The following NREP variants were observed in gnomAD, a reference collection of about 807,000 sequenced individuals.
The protein encoded by NREP is neuronal regeneration related protein.
A neutral mutation model predicts 8.6 loss-of-function variants in NREP; 5 were observed. The ratio of observed to expected loss-of-function variants is 0.58; its 90% CI spans 0.30 to 1.22. The LOEUF is 1.22. NREP is among the 50% of genes most tolerant of loss of function. The probability of loss-of-function intolerance (pLI) is 0.07; values close to 1 mark genes in which losing one functional copy is unlikely to be tolerated. For missense variants in NREP, 86 were observed against 82.5 expected (o/e 1.04, Z -0.17); for synonymous variants, 27 against 28.0 (o/e 0.96, Z 0.11).
At chr5:111,742,171 A>G (rs536222025) in intron 2 of NREP, among the ~76,000 whole-genome samples, 7 of 152,294 alleles carry the variant, frequency 4.6e-5, no homozygotes, top group South Asian at 2.1e-4. Context: ...TTTTATTAAT[A>G]TTATGCCACA....
At chr5:111,847,166 C>T (rs1296312048) in intron 2 of NREP, among the ~76,000 whole-genome samples, 1 of 151,658 alleles carries the variant, frequency 6.6e-6, no homozygotes, top group Non-Finnish European at 1.5e-5. Context: ...CAAAATACCA[C>T]AGACTGGGTT....
intron 2 of NREP, among the ~76,000 whole-genome samples, chr5:111,808,232 A>G (rs1351997968): frequency 6.6e-6 from 1 of 152,212 alleles, no homozygotes; most frequent in South Asian, 2.1e-4. Flanking sequence ...TCTGGTGTTC[A>G]GAAATTTCTC....
chr5:111,861,487 T>G (rs889235768), intron 2 of NREP, among the ~76,000 whole-genome samples: 4 of 152,182 alleles, frequency 2.6e-5, no homozygotes, highest in Non-Finnish European at 5.9e-5. Context: ...CTCCAGTATT[T>G]CTTTCTGTGC....
chr5:111,824,851 C>T (rs1752586471), intron 2 of NREP, among the ~76,000 whole-genome samples: 1 of 152,112 alleles, frequency 6.6e-6, no homozygotes. Flanking sequence ...ATAGTGTATA[C>T]ATTGGTTACA....
intron 2 of NREP, among the ~76,000 whole-genome samples, chr5:111,815,814 A>G (rs1752372835): frequency 6.6e-6 from 1 of 152,198 alleles, no homozygotes; most frequent in South Asian, 2.1e-4. Context: ...CCACAGGTCC[A>G]AGAAACCCCA....
intron 2 of NREP, among the ~76,000 whole-genome samples, chr5:111,934,925 T>C (rs572363670): frequency 6.6e-6 from 1 of 150,924 alleles, no homozygotes; most frequent in African/African-American, 2.4e-5. Flanking sequence ...GCTTTGCCTA[T>C]GGGAGCTACT....
chr5:111,946,523 T>G (rs962776276), intron 2 of NREP, among the ~76,000 whole-genome samples: 1 of 152,028 alleles, frequency 6.6e-6, no homozygotes, highest in African/African-American at 2.4e-5. Flanking sequence ...GATAATCCCC[T>G]GAAAACTCCT....
chr5:111,871,846 C>CTATATA (rs141111202), intron 2 of NREP, among the ~76,000 whole-genome samples: 47 of 144,420 alleles, frequency 3.3e-4, no homozygotes, highest in East Asian at 8.0e-4. Context: ...GTAGTACAGA[C>CTATATA]TATATATATA....
intron 2 of NREP, among the ~76,000 whole-genome samples, chr5:111,910,614 T>C (rs1158419081): frequency 6.6e-6 from 1 of 151,772 alleles, no homozygotes; most frequent in Non-Finnish European, 1.5e-5. Flanking sequence ...GCTTGCCGAG[T>C]ATGGGTTTAG....
chr5:111,925,797 T>C (rs146561143), intron 2 of NREP, among the ~76,000 whole-genome samples: 1 of 152,164 alleles, frequency 6.6e-6, no homozygotes, highest in Non-Finnish European at 1.5e-5. Context: ...CATTAAAAAG[T>C]GTTTACTCTT....
chr5:111,746,430 T>C (rs1581066237), intron 2 of NREP, among the ~76,000 whole-genome samples: 1 of 152,090 alleles, frequency 6.6e-6, no homozygotes, highest in Admixed American at 6.5e-5. Flanking sequence ...CAGTAAGAAA[T>C]GGAGACTCAG....
At chr5:111,955,920 C>T (rs755312541) in intron 2 of NREP, among the ~76,000 whole-genome samples, 22 of 146,578 alleles carry the variant, frequency 1.5e-4, no homozygotes, top group South Asian at 2.2e-4. Flanking sequence ...AAAACAAAAA[C>T]GTTGGGCTTC....
At chr5:111,795,845 C>G (rs1751861715) in intron 2 of NREP, among the ~76,000 whole-genome samples, 1 of 152,182 alleles carries the variant, frequency 6.6e-6, no homozygotes, top group Non-Finnish European at 1.5e-5. Context: ...TATTAATACT[C>G]AAGCATAGCT....
At chr5:111,849,597 T>A (rs1465007557) in intron 2 of NREP, among the ~76,000 whole-genome samples, 1 of 152,146 alleles carries the variant, frequency 6.6e-6, no homozygotes, top group East Asian at 1.9e-4. Flanking sequence ...TAGGCTTTTT[T>A]AGTAGCCAAC....
At chr5:111,857,454 G>A (rs1001690098) in intron 2 of NREP, among the ~76,000 whole-genome samples, 8 of 152,138 alleles carry the variant, frequency 5.3e-5, no homozygotes, top group East Asian at 3.9e-4. Context: ...AACTTATCAC[G>A]TAGTGAAAAA....
chr5:111,730,589 TGAAAAG>T lies in NREP; in HGVS notation c.*326_*331del. 1 of 192,294 alleles carries T rather than the reference TGAAAAG, an allele frequency of 5.2e-6. No individual in the cohort carries two copies. The highest frequency in any genetic ancestry group is 5.8e-5 in the Admixed American group (1 of 17,264). 11.9% of individuals were successfully genotyped at this position (192,294 alleles called of 1,614,324 possible). Reference sequence around the variant, plus strand: ...AAGAAGCAGTCGGGAGCTGTGTGAGTGAAAAGGCAGGAGTGGACCGGTTGTGTGAGC... The same window carrying T: ...AAGAAGCAGTCGGGAGCTGTGTGAGTGCAGGAGTGGACCGGTTGTGTGAGC... On this transcript the variant is annotated 3_prime_UTR_variant, in exon 4 of 4. Transcript: ENST00000257435.
chr5:111,760,473 G>C (rs533790485), upstream of NREP, among the ~76,000 whole-genome samples: 13 of 152,322 alleles, frequency 8.5e-5, no homozygotes, highest in East Asian at 1.3e-3. Context: ...TTTGTCGTCT[G>C]GGGTGAAGGG....
intron 2 of NREP, among the ~76,000 whole-genome samples, chr5:111,879,808 T>C (rs776175599): frequency 2.0e-5 from 3 of 152,074 alleles, no homozygotes. Context: ...TGTAGTCCCA[T>C]ATGGCAGGGA....
chr5:111,889,101 A>T (rs1376972426), intron 2 of NREP, among the ~76,000 whole-genome samples: 2 of 152,246 alleles, frequency 1.3e-5, no homozygotes, highest in Non-Finnish European at 2.9e-5. Context: ...GCTATAAAGA[A>T]ATACCAGAGA....
Sources: gnomAD v4.1 joint callset for allele counts (sites outside exome capture counted in the v4.1 genomes callset) on GRCh38, gnomAD v4.1.1 for gene constraint, MANE v1.5 for transcripts, NCBI Gene and HGNC (gene_info 2026-07-23, HGNC 2026-07-21) for gene names.